Variants in DTNA observed in about 807,000 individuals in gnomAD.
DTNA encodes the protein dystrophin-related protein 3.
In DTNA, 43 loss-of-function variants were observed where a neutral mutation model predicts 100.7. The observed-to-expected ratio is 0.43, with a 90% confidence interval of 0.33 to 0.55. DTNA has a LOEUF of 0.55. Among genes scored for constraint, DTNA ranks in the 20% least tolerant of loss-of-function variants. The pLI is 0.04. For synonymous variants in DTNA, 349 were observed against 347.9 expected, an observed-to-expected ratio of 1.00 and a Z score of -0.04; for missense variants, 798 against 953.9, an observed-to-expected ratio of 0.84 and a Z score of 2.15.
chr18:34,730,727 C>T (rs1416741398), intron 1 of DTNA, among the ~76,000 whole-genome samples: 1 of 152,114 alleles, frequency 6.6e-6, no homozygotes, highest in African/African-American at 2.4e-5. Context: ...AGTTACTGTC[C>T]CCTAACCTGT....
chr18:34,772,726 A>G (rs1036470509), intron 3 of DTNA, among the ~76,000 whole-genome samples: 1 of 152,228 alleles, frequency 6.6e-6, no homozygotes, highest in African/African-American at 2.4e-5. Flanking sequence ...AAAAATTACC[A>G]TAAATTTAGC....
intron 1 of DTNA, among the ~76,000 whole-genome samples, chr18:34,553,113 T>C (rs2045629929): frequency 1.3e-5 from 2 of 150,150 alleles, no homozygotes; most frequent in Admixed American, 6.6e-5. Flanking sequence ...TTGATTTGCA[T>C]TTCTCTGATG....
At chr18:34,834,561 G>T (rs1226440921) in intron 11 of DTNA, among the ~76,000 whole-genome samples, 1 of 152,058 alleles carries the variant, frequency 6.6e-6, no homozygotes, top group Non-Finnish European at 1.5e-5. Context: ...GTGAAGCATG[G>T]CATCAGCATC....
chr18:34,687,830 G>A (rs2079126785), intron 1 of DTNA, among the ~76,000 whole-genome samples: 1 of 152,134 alleles, frequency 6.6e-6, no homozygotes, highest in African/African-American at 2.4e-5. Context: ...CCTGTATTGG[G>A]TGCATATATA....
chr18:34,704,164 C>T (rs897865283), intron 1 of DTNA, among the ~76,000 whole-genome samples: 2 of 152,140 alleles, frequency 1.3e-5, no homozygotes, highest in African/African-American at 4.8e-5. Flanking sequence ...CTCTCCATCC[C>T]ATTATCTATG....
At chr18:34,679,335 G>A (rs1350478556) in intron 1 of DTNA, 3 of 152,080 alleles carry the variant, frequency 2.0e-5, no homozygotes, top group Non-Finnish European at 4.4e-5. Context: ...AATTGCATAC[G>A]TTATTAATAG....
chr18:34,587,843 TTGTC>T (rs1281429749), intron 1 of DTNA, among the ~76,000 whole-genome samples: 3 of 152,170 alleles, frequency 2.0e-5, no homozygotes, highest in African/African-American at 7.2e-5. Flanking sequence ...CAACTCTGGT[TTGTC>T]TGAGACTTTC....
chr18:34,494,806 TTA>T (rs1255592230), intron 1 of DTNA, among the ~76,000 whole-genome samples: 1 of 152,192 alleles, frequency 6.6e-6, no homozygotes, highest in Non-Finnish European at 1.5e-5. Context: ...CACTTGGCAT[TTA>T]ATGTGTTTGT....
intron 1 of DTNA, among the ~76,000 whole-genome samples, chr18:34,626,504 T>C (rs2057341031): frequency 6.6e-6 from 1 of 150,860 alleles, no homozygotes; most frequent in Non-Finnish European, 1.5e-5. Context: ...TGTTGGTTTG[T>C]TTTAAGAGGG....
At chr18:34,865,011 G>A (rs1193342620) in intron 17 of DTNA, among the ~76,000 whole-genome samples, 11 of 152,234 alleles carry the variant, frequency 7.2e-5, no homozygotes. Flanking sequence ...CATGTCTACA[G>A]TCAGCCCATG....
intron 1 of DTNA, among the ~76,000 whole-genome samples, chr18:34,667,633 AG>A (rs1256689890): frequency 1.3e-5 from 2 of 152,294 alleles, no homozygotes; most frequent in South Asian, 2.1e-4. Flanking sequence ...TTTAGCATGA[AG>A]GGCTGTTGAA....
intron 2 of DTNA, among the ~76,000 whole-genome samples, chr18:34,762,809 A>G (rs2093261342): frequency 6.6e-6 from 1 of 152,232 alleles, no homozygotes; most frequent in South Asian, 2.1e-4. Context: ...TACAGCATTT[A>G]TAGACCTACA....
At chr18:34,576,937 T>C (rs753397850) in intron 1 of DTNA, among the ~76,000 whole-genome samples, 1 of 152,164 alleles carries the variant, frequency 6.6e-6, no homozygotes, top group Non-Finnish European at 1.5e-5. Flanking sequence ...ATCAGACTTC[T>C]AGGCTACAGC....
intron 18 of DTNA, among the ~76,000 whole-genome samples, chr18:34,876,415 T>C (rs1465907626): frequency 6.6e-6 from 1 of 152,160 alleles, no homozygotes; most frequent in Non-Finnish European, 1.5e-5. Flanking sequence ...AGTTTCATAA[T>C]TTCAGTTATA....
intron 1 of DTNA, among the ~76,000 whole-genome samples, chr18:34,570,821 C>T (rs746699154): frequency 6.6e-6 from 1 of 152,092 alleles, no homozygotes; most frequent in African/African-American, 2.4e-5. Context: ...TTGGGTACCT[C>T]TATGTAAGGC....
intron 4 of DTNA, among the ~76,000 whole-genome samples, chr18:34,801,984 G>A (rs1487602090): frequency 2.0e-5 from 3 of 152,286 alleles, no homozygotes; most frequent in Admixed American, 2.0e-4. Context: ...GCCCCTAAAA[G>A]TCTGTGATTC....
chr18:34,718,990 T>C (rs535683130), intron 1 of DTNA, among the ~76,000 whole-genome samples: 2 of 148,866 alleles, frequency 1.3e-5, no homozygotes, highest in East Asian at 1.9e-4. Context: ...CAATTAACCC[T>C]TTTTTTTTGG....
chr18:34,677,798 A>G (rs891306580), intron 1 of DTNA, among the ~76,000 whole-genome samples: 1 of 152,226 alleles, frequency 6.6e-6, no homozygotes, highest in Non-Finnish European at 1.5e-5. Context: ...GCCTAGAATC[A>G]TAGCACAGGG....
intron 1 of DTNA, among the ~76,000 whole-genome samples, chr18:34,727,906 T>C (rs899829): frequency 0.12 from 17,793 of 152,134 alleles, 1,537 homozygotes; most frequent in African/African-American, 0.24. Flanking sequence ...AGAGGATATG[T>C]TTTTTATAAA....
Sources: allele counts gnomAD v4.1 joint callset (sites outside exome capture counted in the v4.1 genomes callset), GRCh38; gene constraint gnomAD v4.1.1; transcripts MANE v1.5; gene names NCBI Gene and HGNC (gene_info 2026-07-23, HGNC 2026-07-21).